Variants in CNTNAP5 observed in about 807,000 individuals in gnomAD.
CNTNAP5 encodes contactin-associated protein-like 5.
Under a neutral mutation model 150.2 loss-of-function variants are expected in CNTNAP5, and 72 were observed. That is an observed-to-expected ratio of 0.48 (90% CI 0.40 to 0.58). The LOEUF (loss-of-function observed/expected upper bound fraction) is 0.58, where lower values mean the gene tolerates loss of function less well. Ranked by LOEUF, CNTNAP5 falls within the 20% of genes least tolerant of loss-of-function variation. CNTNAP5 has a pLI of 0.00. For missense variants in CNTNAP5, 1,636 were observed against 1,626.2 expected (o/e 1.01, Z -0.10); for synonymous variants, 672 against 619.8 (o/e 1.08, Z -1.25).
intron 13 of CNTNAP5, among the ~76,000 whole-genome samples, chr2:124,698,427 T>C (rs1180295796): frequency 1.3e-5 from 2 of 149,720 alleles, no homozygotes; most frequent in Admixed American, 1.3e-4. Context: ...TTTATATGTA[T>C]ATATTTAGTT....
chr2:124,133,802 T>C (rs1249170621), intron 1 of CNTNAP5, among the ~76,000 whole-genome samples: 1 of 152,202 alleles, frequency 6.6e-6, no homozygotes, highest in Non-Finnish European at 1.5e-5. Context: ...CACACCTTGG[T>C]CATATTTGTG....
intron 1 of CNTNAP5, among the ~76,000 whole-genome samples, chr2:124,137,194 T>C (rs1683993462): frequency 6.6e-6 from 1 of 152,114 alleles, no homozygotes; most frequent in African/African-American, 2.4e-5. Flanking sequence ...GCTGTCCGTG[T>C]GTTAACATAG....
In CNTNAP5 at chr2:124,778,144, C is replaced by T. The variant is rs1391501799; in HGVS notation, c.2752+5127C>T. ...CAATTGCAGGAAAGAAATCAGGCTG[C>T]CCTGGAGCTAATGTGACTGCCACAT... On this transcript the variant is annotated intron_variant, in intron 17 of 23. Coordinates refer to ENST00000682447, the MANE Select transcript of CNTNAP5 (RefSeq NM_001367498.1). Among the ~76,000 whole-genome samples, 6 of 152,240 alleles carry T rather than the reference C, an allele frequency of 3.9e-5. No individual in the cohort carries two copies. In the South Asian group the frequency reaches 8.3e-4, roughly 21 times the overall value.
chr2:124,336,697 C>CATG (rs1689481648), intron 3 of CNTNAP5, among the ~76,000 whole-genome samples: 1 of 151,978 alleles, frequency 6.6e-6, no homozygotes, highest in African/African-American at 2.4e-5. Flanking sequence ...CTGCAAAGGA[C>CATG]ATGAACTCAT....
At chr2:124,554,790 A>G (rs1695713501) in intron 10 of CNTNAP5, among the ~76,000 whole-genome samples, 1 of 152,298 alleles carries the variant, frequency 6.6e-6, no homozygotes, top group East Asian at 1.9e-4. Context: ...AAAACTACAA[A>G]CACAAAAGGA....
chr2:124,541,628 T>C (rs1488709120), intron 10 of CNTNAP5, among the ~76,000 whole-genome samples: 2 of 152,124 alleles, frequency 1.3e-5, no homozygotes, highest in Non-Finnish European at 2.9e-5. Flanking sequence ...AATGAGAACA[T>C]GTGGTTGGGA....
chr2:124,371,012 T>C (rs1053635808), intron 3 of CNTNAP5, among the ~76,000 whole-genome samples: 4 of 152,124 alleles, frequency 2.6e-5, no homozygotes, highest in African/African-American at 9.7e-5. Flanking sequence ...CTGGAAAGCT[T>C]AGCGGAGACT....
intron 6 of CNTNAP5, among the ~76,000 whole-genome samples, chr2:124,454,515 A>G (rs1693068093): frequency 6.6e-6 from 1 of 152,170 alleles, no homozygotes; most frequent in African/African-American, 2.4e-5. Context: ...CAAAGAAATG[A>G]TAGATTTAAA....
chr2:124,911,571 A>G, intron 23 of CNTNAP5, 33 bp downstream of exon 23: 1 of 1,504,240 alleles, frequency 6.6e-7, no homozygotes, highest in Non-Finnish European at 9.1e-7. Context: ...ATGCAAAAAG[A>G]CATAAACGAT....
intron 1 of CNTNAP5, among the ~76,000 whole-genome samples, chr2:124,071,256 G>A (rs1265043840): frequency 1.3e-5 from 2 of 151,584 alleles, no homozygotes; most frequent in East Asian, 1.9e-4. Flanking sequence ...AAAAAAATAA[G>A]GGAAGCTTCA....
intron 1 of CNTNAP5, among the ~76,000 whole-genome samples, chr2:124,208,001 CAAG>C (rs1685906364): frequency 6.6e-6 from 1 of 152,092 alleles, no homozygotes; most frequent in Admixed American, 6.5e-5. Context: ...TCAGGATGAG[CAAG>C]AAGAGCATTT....
At chr2:124,285,979 A>G (rs952607768) in intron 3 of CNTNAP5, among the ~76,000 whole-genome samples, 1 of 152,190 alleles carries the variant, frequency 6.6e-6, no homozygotes, top group African/African-American at 2.4e-5. Context: ...TATTCAGGTG[A>G]TAAAATATTT....
intron 14 of CNTNAP5, among the ~76,000 whole-genome samples, chr2:124,750,897 T>C (rs1337241396): frequency 7.0e-6 from 1 of 143,424 alleles, no homozygotes; most frequent in Non-Finnish European, 1.5e-5. Flanking sequence ...GGCAGAAGAA[T>C]CACTTGAACC....
Position 124,919,808 on chromosome 2 carries a change from AT to A in CNTNAP5, c.*5522del, listed in dbSNP as rs1678838805. On this transcript the variant is annotated 3_prime_UTR_variant, in exon 24 of 24. Coordinates refer to ENST00000682447, the MANE Select transcript of CNTNAP5 (RefSeq NM_001367498.1). The stretch of plus-strand genomic sequence containing the variant: ...TTTCTCAGAGTGCTTTAGAACTATT[AT>A]TATAATTATCTAACCTGCCCAGGTT... Among the ~76,000 whole-genome samples the A allele has an allele frequency of 6.6e-6, 1 of 151,440 alleles. No individual in the cohort carries two copies. Among genetic ancestry groups the A allele is most frequent in the Non-Finnish European group, 1.5e-5 (1 of 67,858 alleles).
In CNTNAP5 at chr2:124,865,235, A is replaced by G; in HGVS notation, c.3218-71A>G. The G allele has an allele frequency of 2.4e-6, 3 of 1,256,894 alleles. No individual in the cohort carries two copies. The South Asian group carries it at 4.5e-5, about 19-fold the overall frequency. The allele number at this position is 1,256,894 out of a possible 1,614,324, so 77.9% of individuals were successfully genotyped here. On this transcript the variant is annotated intron_variant, in intron 19 of 23. Transcript: ENST00000682447. Reference sequence around the variant, plus strand: ...TGGGGCCCTAATAATCAATTAAAAGATAATCTGATCATGTCTTTGCATTTT... The same window carrying G: ...TGGGGCCCTAATAATCAATTAAAAGGTAATCTGATCATGTCTTTGCATTTT...
chr2:124,095,817 T>C (rs1682922421), intron 1 of CNTNAP5, among the ~76,000 whole-genome samples: 2 of 152,228 alleles, frequency 1.3e-5, no homozygotes, highest in African/African-American at 4.8e-5. Context: ...CAACATTTAT[T>C]GAATGCACAA....
chr2:124,169,966 G>A (rs140714258), intron 1 of CNTNAP5, among the ~76,000 whole-genome samples: 2 of 152,160 alleles, frequency 1.3e-5, no homozygotes, highest in African/African-American at 4.8e-5. Context: ...TGTGGGAAAA[G>A]AAAATGGGTA....
At chr2:124,327,331 CA>C (rs1211907801) in intron 3 of CNTNAP5, among the ~76,000 whole-genome samples, 1 of 152,092 alleles carries the variant, frequency 6.6e-6, no homozygotes, top group East Asian at 1.9e-4. Context: ...AAGAAACAAG[CA>C]TTATACAAAT....
At chr2:124,637,026 C>T (rs1380589035) in intron 12 of CNTNAP5, among the ~76,000 whole-genome samples, 2 of 152,022 alleles carry the variant, frequency 1.3e-5, no homozygotes, top group Non-Finnish European at 2.9e-5. Context: ...CTTCTAAGAA[C>T]AAATATATTC....
Sources: gnomAD v4.1 joint callset for allele counts (sites outside exome capture counted in the v4.1 genomes callset) on GRCh38, gnomAD v4.1.1 for gene constraint, MANE v1.5 for transcripts, NCBI Gene and HGNC (gene_info 2026-07-23, HGNC 2026-07-21) for gene names.